Variants in RAVER1 observed in about 807,000 individuals in gnomAD.
RAVER1 encodes the protein ribonucleoprotein PTB-binding 1.
In RAVER1, 36 loss-of-function variants were observed where a neutral mutation model predicts 68.4. That is an observed-to-expected ratio of 0.53 (90% CI 0.40 to 0.70). RAVER1 has a LOEUF of 0.70. RAVER1 is among the 30% of genes least tolerant of loss of function. The pLI is 0.00. For synonymous variants in RAVER1, 469 were observed against 472.7 expected (o/e 0.99, Z 0.10); for missense variants, 933 against 1,019.8 (o/e 0.91, Z 1.16).
At chr19:10,326,870 G>A (rs1464016037) in intron 3 of RAVER1, among the ~76,000 whole-genome samples, 6 of 148,822 alleles carry the variant, frequency 4.0e-5, no homozygotes, top group African/African-American at 1.5e-4. Context: ...AGGTACAAGC[G>A]ATTCTCCTGC....
At chr19:10,327,720 T>C (rs868000576) in intron 3 of RAVER1, among the ~76,000 whole-genome samples, 3 of 152,334 alleles carry the variant, frequency 2.0e-5, no homozygotes, top group South Asian at 4.1e-4. Flanking sequence ...ATGGGAGTGA[T>C]ACCTGCCTCT....
In RAVER1 at chr19:10,322,680, G is replaced by C; in HGVS notation, c.1138C>G (p.Leu380Val). Residue 380 changes from leucine to valine, a missense_variant, in exon 6 of 13, where the codon CTG becomes GTG. Transcript: ENST00000617231. The surrounding 1 kb of genome is among the most constrained non-coding windows in gnomAD (Gnocchi z 4.3). ...TGGGTCTGCAGGGCGAGCTGCAACA[G>C]CGCCGTGGACAGGGCTGGCCCATTG... ...LLNGPALSTA[L>V]LQLALQTQGQ... 1 of 1,544,822 alleles carries C rather than the reference G, an allele frequency of 6.5e-7. No homozygotes were observed. Among genetic ancestry groups the C allele is most frequent in the Non-Finnish European group, 8.7e-7 (1 of 1,155,126 alleles).
At position 10,323,715 on chromosome 19, in the gene RAVER1, C is replaced by T. The variant is rs555679304; in HGVS notation, c.757-149G>A. 2.7e-5 allele frequency: 22 copies of T among 810,630 alleles called. No individual in the cohort carries two copies. In the South Asian group the frequency reaches 4.1e-4, roughly 15 times the overall value. 50.2% of individuals were successfully genotyped at this position (810,630 alleles called of 1,614,324 possible). A position where few individuals can be genotyped will look rare whatever the true frequency, so the allele number is the denominator to read the frequency against. The stretch of plus-strand genomic sequence containing the variant: ...GCCCTGTGCCTCATTCCTGCATCAG[C>T]TCATCTGATTTTCCCAATGACCCTG... On this transcript the variant is annotated intron_variant, in intron 3 of 12. Coordinates refer to ENST00000617231, the MANE Select transcript of RAVER1 (RefSeq NM_133452.3). This position sits in a 1 kb window ranked among gnomAD's most constrained non-coding sequence, Gnocchi z 6.2.
At chr19:10,320,538 C>A in intron 9 of RAVER1, 117 bp downstream of exon 9, 99 of 668,992 alleles carry the variant, frequency 1.5e-4, no homozygotes, top group Non-Finnish European at 2.1e-4. Flanking sequence ...GAGACCATAT[C>A]TGGCACGTTC....
At chr19:10,324,111 G>C (rs1034709563) in intron 3 of RAVER1, among the ~76,000 whole-genome samples, 4 of 148,518 alleles carry the variant, frequency 2.7e-5, no homozygotes, top group African/African-American at 5.0e-5. Context: ...CCGAGATCGC[G>C]CCACTGCACT....
chr19:10,331,997 A>C (rs924293948), intron 1 of RAVER1, among the ~76,000 whole-genome samples: 3 of 151,554 alleles, frequency 2.0e-5, no homozygotes, highest in African/African-American at 4.9e-5. Flanking sequence ...CAGCTCATTT[A>C]TTTTTCTTTT....
intron 3 of RAVER1, among the ~76,000 whole-genome samples, chr19:10,326,736 G>T (rs1311088852): frequency 6.7e-6 from 1 of 150,042 alleles, no homozygotes; most frequent in East Asian, 1.9e-4. Context: ...TTACAAGCGT[G>T]AGCCACTGCG....
In RAVER1 at chr19:10,323,020, T is replaced by TC. The variant is rs2040449417; in HGVS notation, c.1078+124dup. 1 of 814,766 alleles carries TC rather than the reference T, an allele frequency of 1.2e-6. No individual in the cohort carries two copies. The highest frequency in any genetic ancestry group is 1.9e-6 in the Non-Finnish European group (1 of 530,476). 50.5% of individuals were successfully genotyped at this position (814,766 alleles called of 1,614,324 possible). A position where few individuals can be genotyped will look rare whatever the true frequency, so the allele number is the denominator to read the frequency against. ...AGCAGCCCCCGCTATGACTCCATACTCCCCCTCGGCCCTACTCCTGGGGCT... is the reference window on the plus strand; with the variant it reads ...AGCAGCCCCCGCTATGACTCCATACTCCCCCCTCGGCCCTACTCCTGGGGCT... On this transcript the variant is annotated intron_variant, in intron 5 of 12. Coordinates refer to ENST00000617231, the MANE Select transcript of RAVER1 (RefSeq NM_133452.3). The surrounding 1 kb of genome is among the most constrained non-coding windows in gnomAD (Gnocchi z 6.2).
Position 10,317,049 on chromosome 19 carries a change from A to C in RAVER1, c.*405T>G. 1 of 220,840 alleles carries C rather than the reference A, an allele frequency of 4.5e-6. No individual in the cohort carries two copies. The highest frequency in any genetic ancestry group is 8.8e-6 in the Non-Finnish European group (1 of 113,748). The allele number at this position is 220,840 out of a possible 1,614,324, so 13.7% of individuals were successfully genotyped here. Reference sequence around the variant, plus strand: ...AAAGGAAACAGAAGTCAGTTGTCAAAGTTAAAAAAAAAGGAGACAGTCTCT... The same window carrying C: ...AAAGGAAACAGAAGTCAGTTGTCAACGTTAAAAAAAAAGGAGACAGTCTCT... On this transcript the variant is annotated 3_prime_UTR_variant, in exon 13 of 13. Coordinates refer to ENST00000617231, the MANE Select transcript of RAVER1 (RefSeq NM_133452.3). The surrounding 1 kb of genome is among the most constrained non-coding windows in gnomAD (Gnocchi z 4.3).
chr19:10,331,277 G>A (rs1450719304), intron 1 of RAVER1, among the ~76,000 whole-genome samples: 2 of 148,054 alleles, frequency 1.4e-5, no homozygotes, highest in African/African-American at 5.0e-5. Context: ...GTGAACCCGG[G>A]AAGCAGAGCT....
intron 3 of RAVER1, among the ~76,000 whole-genome samples, chr19:10,327,408 C>G (rs1307437596): frequency 6.6e-6 from 1 of 151,982 alleles, no homozygotes; most frequent in African/African-American, 2.4e-5. Flanking sequence ...GGACTACAGG[C>G]ACACCATCAT....
rs2040456228 is a variant in RAVER1 at position 10,323,821 on chromosome 19, G to T, written c.757-255C>A. On this transcript the variant is annotated intron_variant, in intron 3 of 12. Coordinates refer to ENST00000617231, the MANE Select transcript of RAVER1 (RefSeq NM_133452.3). The surrounding 1 kb of genome is among the most constrained non-coding windows in gnomAD (Gnocchi z 6.2). The stretch of plus-strand genomic sequence containing the variant: ...GCGCACCCAAGGCCACACAGCTGGA[G>T]GGAGGGCGGAGCTGGGAGCCACCTC... 6.6e-6 allele frequency among the ~76,000 whole-genome samples: 1 copy of T among 152,200 alleles called. No individual in the cohort carries two copies. Among genetic ancestry groups the T allele is most frequent in the Non-Finnish European group, 1.5e-5 (1 of 68,038 alleles).
chr19:10,326,691 G>A (rs987088226), intron 3 of RAVER1, among the ~76,000 whole-genome samples: 1 of 151,362 alleles, frequency 6.6e-6, no homozygotes, highest in Non-Finnish European at 1.5e-5. Context: ...CTGACCTCAG[G>A]TGATCCGTCC....
rs1472365274 is a variant in RAVER1 at position 10,333,497 on chromosome 19, T to C, written c.11A>G (p.Asp4Gly). Residue 4 changes from aspartate to glycine, a missense_variant, in exon 1 of 13, where the codon GAC (aspartate) becomes GGC (glycine). Physicochemically the swap from Asp to Gly is moderately conservative, Grantham distance 94. Transcript: ENST00000617231. This position sits in a 1 kb window ranked among gnomAD's most constrained non-coding sequence, Gnocchi z 4.2. ...CGGGGGCCGGTGAGTAACGGACACG[T>C]CCGCCGCCATCTTGGGAAACCCGGC... MAA[D>G]VSVTHRPPLS... 6 of 1,599,082 alleles carry C rather than the reference T, an allele frequency of 3.8e-6. No individual in the cohort carries two copies. The highest frequency in any genetic ancestry group is 1.3e-5 in the African/African-American group (1 of 74,648).
intron 3 of RAVER1, among the ~76,000 whole-genome samples, chr19:10,327,705 T>C (rs2040484837): frequency 6.6e-6 from 1 of 152,162 alleles, no homozygotes; most frequent in Non-Finnish European, 1.5e-5. Context: ...TATCCTCACC[T>C]GAAAATGGGA....
chr19:10,328,067 T>A lies in RAVER1; in HGVS notation c.756+575A>T, dbSNP rs2040487599. The stretch of plus-strand genomic sequence containing the variant: ...GCTGGGATCTGGCAAAGCCTCAGTC[T>A]CTGACCTCAAGGCTCAAATAGACTG... On this transcript the variant is annotated intron_variant, in intron 3 of 12. Coordinates refer to ENST00000617231, the MANE Select transcript of RAVER1 (RefSeq NM_133452.3). This position sits in a 1 kb window ranked among gnomAD's most constrained non-coding sequence, Gnocchi z 4.4. Among the ~76,000 whole-genome samples the A allele has an allele frequency of 6.6e-6, 1 of 152,190 alleles. No individual in the cohort carries two copies. Among genetic ancestry groups the A allele is most frequent in the African/African-American group, 2.4e-5 (1 of 41,446 alleles).
intron 9 of RAVER1, among the ~76,000 whole-genome samples, chr19:10,320,261 T>C (rs2040425718): frequency 6.6e-6 from 1 of 151,794 alleles, no homozygotes. Flanking sequence ...CCCAGTACTT[T>C]GGGAGGCTGA....
At chr19:10,319,588 CTT>C in intron 9 of RAVER1, among the ~76,000 whole-genome samples, 1 of 146,068 alleles carries the variant, frequency 6.8e-6, no homozygotes. Flanking sequence ...CAATTTCTTT[CTT>C]TTTTTTTTTT....
In RAVER1 at chr19:10,317,725, T is replaced by C. The variant is rs1160123364; in HGVS notation, c.2038A>G (p.Ser680Gly). 3.1e-6 allele frequency: 5 copies of C among 1,596,778 alleles called. No individual in the cohort carries two copies. The highest frequency in any genetic ancestry group is 4.3e-6 in the Non-Finnish European group (5 of 1,173,080). ...LGSGEGLLGL[S>G]PGPNGHSHLL... ...TGGCTGTGACCATTAGGCCCGGGGC[T>C]GAGGCCCAGGAGCCCTTCTCCGGAC... The change falls in exon 12 of 13, where the codon AGC becomes GGC. Residue 680 changes from serine (S) to glycine (G), a missense_variant. By Grantham distance (56) the Ser-to-Gly change is moderately conservative. Coordinates refer to ENST00000617231, the MANE Select transcript of RAVER1 (RefSeq NM_133452.3). This position sits in a 1 kb window ranked among gnomAD's most constrained non-coding sequence, Gnocchi z 4.3.
Sources: allele counts gnomAD v4.1 joint callset (sites outside exome capture counted in the v4.1 genomes callset), GRCh38; gene constraint gnomAD v4.1.1; non-coding constraint Gnocchi (gnomAD v3.1); transcripts MANE v1.5; gene names NCBI Gene and HGNC (gene_info 2026-07-23, HGNC 2026-07-21).